Variants in MICAL3 observed in about 807,000 individuals in gnomAD.
MICAL3 encodes [F-actin]-monooxygenase MICAL3.
In MICAL3, 62 loss-of-function variants were observed where a neutral mutation model predicts 207.4. The observed-to-expected ratio is 0.30, with a 90% CI of 0.24 to 0.37. The LOEUF (loss-of-function observed/expected upper bound fraction) is 0.37, where lower values mean the gene tolerates loss of function less well. Ranked by LOEUF, MICAL3 falls within the 10% of genes least tolerant of loss-of-function variation. MICAL3 has a pLI of 1.00. For missense variants in MICAL3, 2,368 were observed against 2,635.6 expected (o/e 0.90, Z 2.22); for synonymous variants, 1,077 against 1,069.3 (o/e 1.01, Z -0.14).
intron 1 of MICAL3, among the ~76,000 whole-genome samples, chr22:17,932,924 T>C (rs1286855123): frequency 6.6e-6 from 1 of 152,174 alleles, no homozygotes; most frequent in East Asian, 1.9e-4. Context: ...GAGTTAACTA[T>C]CCTAAATATA....
At chr22:17,802,315 T>A (rs892571972) in intron 29 of MICAL3, among the ~76,000 whole-genome samples, 10 of 152,230 alleles carry the variant, frequency 6.6e-5, no homozygotes, top group African/African-American at 2.4e-4. Flanking sequence ...TACACCTGCC[T>A]TGGCCTCCCA....
chr22:17,823,051 T>TC lies in MICAL3; in HGVS notation c.3202dup (p.Asp1068GlyfsTer2). The TC allele has an allele frequency of 6.2e-7, 1 of 1,607,768 alleles. No individual in the cohort carries two copies. On this transcript the variant is annotated frameshift_variant, in exon 23 of 32. Coordinates refer to ENST00000441493, the MANE Select transcript of MICAL3 (RefSeq NM_015241.3). LOFTEE classifies it high-confidence loss of function. ...CACATCTTCCTCTAGGTCATTCTCATCCAATGGGGCTGCAAAGCAGAAAGG... is the reference window on the plus strand; with the variant it reads ...CACATCTTCCTCTAGGTCATTCTCATCCCAATGGGGCTGCAAAGCAGAAAGG...
At chr22:17,819,244 C>T in intron 25 of MICAL3, 115 bp from the exon 26 acceptor site, 2 of 1,074,904 alleles carry the variant, frequency 1.9e-6, no homozygotes, top group Non-Finnish European at 2.5e-6. Context: ...GCAGGACTTC[C>T]CCGTCCTTCC....
chr22:17,941,807 A>T (rs1034985620), intron 1 of MICAL3, among the ~76,000 whole-genome samples: 3 of 152,152 alleles, frequency 2.0e-5, no homozygotes, highest in African/African-American at 7.2e-5. Flanking sequence ...GACCCATCCA[A>T]TCAGAATCTG....
chr22:17,828,971 C>T (rs1470783896), intron 21 of MICAL3, among the ~76,000 whole-genome samples: 2 of 152,166 alleles, frequency 1.3e-5, no homozygotes, highest in African/African-American at 4.8e-5. Flanking sequence ...CCAGCAAGAC[C>T]ACCCAGTGTG....
In MICAL3 at chr22:17,788,131, A is replaced by C. The variant is rs764530393; in HGVS notation, c.*2601T>G. On this transcript the variant is annotated 3_prime_UTR_variant, in exon 32 of 32. Transcript: ENST00000441493. ...ACAGCTTGAGAACGCTTGACGCAGG[A>C]AGTCACCAGAGTACTCAAGTCAACC... 6.6e-6 allele frequency: 1 copy of C among 152,278 alleles called. No individual in the cohort carries two copies. The highest frequency in any genetic ancestry group is 1.5e-5 in the Non-Finnish European group (1 of 68,050). 9.4% of individuals were successfully genotyped at this position (152,278 alleles called of 1,614,324 possible).
intron 22 of MICAL3, 113 bp downstream of exon 22, chr22:17,827,531 C>T (rs1004915464): frequency 1.1e-5 from 13 of 1,182,530 alleles, no homozygotes; most frequent in Non-Finnish European, 1.5e-5. Context: ...GCCTGGCTCC[C>T]GTGTGTGACC....
chr22:17,985,504 C>G, intron 1 of MICAL3, among the ~76,000 whole-genome samples: 1 of 152,154 alleles, frequency 6.6e-6, no homozygotes, highest in Non-Finnish European at 1.5e-5. Flanking sequence ...GCTTCTGACA[C>G]CTCTGTCACT....
rs1210409471 is a variant in MICAL3, at chr22:17,789,349, GGAT to G, written c.*1380_*1382del. 6.6e-6 allele frequency: 1 copy of G among 152,252 alleles called. No individual in the cohort carries two copies. The highest frequency in any genetic ancestry group is 1.5e-5 in the Non-Finnish European group (1 of 68,064). The allele number at this position is 152,252 out of a possible 1,614,324, so 9.4% of individuals were successfully genotyped here. On this transcript the variant is annotated 3_prime_UTR_variant, in exon 32 of 32. Coordinates refer to ENST00000441493, the MANE Select transcript of MICAL3 (RefSeq NM_015241.3). ...CACCTTGCACCCTCTTGGCCTGTGT[GGAT>G]GAGGGCCCATCCTGAAACCTTCTTT...
chr22:17,805,272 G>A (rs1003010483), intron 29 of MICAL3, among the ~76,000 whole-genome samples: 6 of 152,250 alleles, frequency 3.9e-5, no homozygotes, highest in South Asian at 2.1e-4. Context: ...GGAACGGGAC[G>A]CAGAAGCAGG....
chr22:17,949,144 C>T (rs551033505), intron 1 of MICAL3, among the ~76,000 whole-genome samples: 2 of 151,896 alleles, frequency 1.3e-5, no homozygotes, highest in Admixed American at 6.6e-5. Flanking sequence ...CAGGAGGTGG[C>T]GGTTGTAGTG....
chr22:17,800,437 A>C (rs1454121751), intron 29 of MICAL3, among the ~76,000 whole-genome samples: 2 of 152,172 alleles, frequency 1.3e-5, no homozygotes, highest in Non-Finnish European at 2.9e-5. Context: ...CTCTGGTCCA[A>C]GGGTTGTTTT....
At chr22:17,892,315 G>A (rs1245789071) in intron 11 of MICAL3, among the ~76,000 whole-genome samples, 3 of 152,094 alleles carry the variant, frequency 2.0e-5, no homozygotes, top group African/African-American at 4.8e-5. Context: ...TCTAAAACCC[G>A]AACAGCCTCT....
intron 1 of MICAL3, among the ~76,000 whole-genome samples, chr22:18,023,682 T>TGC (rs1331710371): frequency 6.6e-6 from 1 of 152,022 alleles, no homozygotes; most frequent in East Asian, 1.9e-4. Context: ...GCCCGGGAGC[T>TGC]GCGCCGGCGC....
At chr22:17,923,365 A>G (rs1330822442) in intron 1 of MICAL3, among the ~76,000 whole-genome samples, 1 of 152,192 alleles carries the variant, frequency 6.6e-6, no homozygotes, top group Admixed American at 6.5e-5. Flanking sequence ...CTGGGCTCCA[A>G]AATTCCAACT....
intron 16 of MICAL3, among the ~76,000 whole-genome samples, chr22:17,877,295 T>G (rs375196286): frequency 6.3e-4 from 46 of 72,448 alleles, no homozygotes; most frequent in Non-Finnish European, 7.6e-4. Flanking sequence ...TTATGGAGGT[T>G]AGGGAGGTTA....
chr22:17,803,537 T>A (rs964867714), intron 29 of MICAL3: 1 of 152,012 alleles, frequency 6.6e-6, no homozygotes, highest in Non-Finnish European at 1.5e-5. Flanking sequence ...AGGACGCAGA[T>A]GCAAGGCTGG....
intron 1 of MICAL3, among the ~76,000 whole-genome samples, chr22:17,907,312 T>C (rs571287398): frequency 4.0e-4 from 61 of 151,970 alleles, no homozygotes; most frequent in African/African-American, 1.4e-3. Context: ...GTGTAGGACA[T>C]GGGAAAGTGA....
At position 17,879,854 on chromosome 22, in the gene MICAL3, G is replaced by A. The variant is rs542235265; in HGVS notation, c.2241+6024C>T. Among the ~76,000 whole-genome samples the A allele has an allele frequency of 6.6e-5, 10 of 152,322 alleles. No individual in the cohort carries two copies. In the South Asian group the frequency reaches 1.9e-3, roughly 28 times the overall value. ...AGCAGTCCAGAGGAAACTCCAGAGTGGGAAGTGGTTCCTGAATAGGAGCAT... is the reference window on the plus strand; with the variant it reads ...AGCAGTCCAGAGGAAACTCCAGAGTAGGAAGTGGTTCCTGAATAGGAGCAT... On this transcript the variant is annotated intron_variant, in intron 16 of 31. Transcript: ENST00000441493.
Sources: gnomAD v4.1 joint callset for allele counts (sites outside exome capture counted in the v4.1 genomes callset) on GRCh38, gnomAD v4.1.1 for gene constraint, MANE v1.5 for transcripts, NCBI Gene and HGNC (gene_info 2026-07-23, HGNC 2026-07-21) for gene names.